The following BAIAP3 variants were observed in gnomAD, a reference collection of about 807,000 sequenced individuals.
The protein encoded by BAIAP3 is BAI1-associated protein 3.
A neutral mutation model predicts 149.7 loss-of-function variants in BAIAP3; 180 were observed. The observed-to-expected ratio is 1.20, with a 90% CI of 1.07 to 1.36. BAIAP3 has a LOEUF of 1.36. Among genes scored for constraint, BAIAP3 ranks in the 40% most tolerant of loss-of-function variants. BAIAP3 has a pLI of 0.00. For synonymous variants in BAIAP3, 845 were observed against 670.7 expected, an observed-to-expected ratio of 1.26 and a Z score of -4.02; for missense variants, 1,767 against 1,563.4, an observed-to-expected ratio of 1.13 and a Z score of -2.20.
intron 4 of BAIAP3, 58 bp downstream of exon 4, chr16:1,339,302 T>G (rs1220601204): frequency 6.5e-7 from 1 of 1,538,620 alleles, no homozygotes; most frequent in African/African-American, 1.4e-5. Context: ...CCCTCAGCCG[T>G]TTAGAGGCAC....
intron 17 of BAIAP3, 62 bp downstream of exon 17, chr16:1,344,379 C>G: frequency 6.2e-7 from 1 of 1,610,042 alleles, no homozygotes; most frequent in South Asian, 1.1e-5. Flanking sequence ...CCCTGCCTTC[C>G]CGTCCCCTGC....
At chr16:1,337,135 A>G (rs1176840128) in intron 1 of BAIAP3, among the ~76,000 whole-genome samples, 1 of 152,168 alleles carries the variant, frequency 6.6e-6, no homozygotes, top group Non-Finnish European at 1.5e-5. Context: ...GCAGAGGAAG[A>G]GGGTCTCAGG....
chr16:1,344,116 C>T lies in BAIAP3; in HGVS notation c.1481C>T (p.Thr494Ile). ...LRDYFPATNSTAVHRLELLLK... is the reference protein window; with the variant it reads ...LRDYFPATNSIAVHRLELLLK... ...GACTACTTCCCTGCCACCAACAGCA[C>T]CGCTGTCCACCGCCTGGAGCTGCTG... Residue 494 changes from threonine to isoleucine, a missense_variant, in exon 16 of 34, where the codon ACC becomes ATC. Transcript: ENST00000426824. 6.2e-7 allele frequency: 1 copy of T among 1,611,926 alleles called. No homozygotes were observed. Among genetic ancestry groups the T allele is most frequent in the Non-Finnish European group, 8.5e-7 (1 of 1,179,812 alleles).
Position 1,348,429 on chromosome 16 carries a change from G to A in BAIAP3, c.3406G>A (p.Glu1136Lys). The change falls in exon 34 of 34, where the codon GAG (glutamate) becomes AAG (lysine). Residue 1136 changes from glutamate (E) to lysine (K), a missense_variant. Coordinates refer to ENST00000426824, the MANE Select transcript of BAIAP3 (RefSeq NM_001199097.2). Reference sequence around the variant, plus strand: ...AGGCCGCACCAGCAAGGAGGCGCAGGAGTTCGTGAAGAAACTCAAGGAGCT... The same window carrying A: ...AGGCCGCACCAGCAAGGAGGCGCAGAAGTTCGTGAAGAAACTCAAGGAGCT... ...LEGRTSKEAQ[E>K]FVKKLKELEK... 1 of 1,612,738 alleles carries A rather than the reference G, an allele frequency of 6.2e-7. No homozygotes were observed.
At position 1,348,516 on chromosome 16, in the gene BAIAP3, A is replaced by ACC; in HGVS notation, c.*37_*38dup. The stretch of plus-strand genomic sequence containing the variant: ...GCTGCCAGCCCCGGCCCTGGCCCCC[A>ACC]CCCCAAGTTCCCTGAAGCATCCTCC... On this transcript the variant is annotated 3_prime_UTR_variant, in exon 34 of 34. Coordinates refer to ENST00000426824, the MANE Select transcript of BAIAP3 (RefSeq NM_001199097.2). The ACC allele has an allele frequency of 6.4e-7, 1 of 1,567,954 alleles. No individual in the cohort carries two copies. The highest frequency in any genetic ancestry group is 1.2e-5 in the South Asian group (1 of 86,178).
chr16:1,336,859 A>T (rs964487770), intron 1 of BAIAP3, among the ~76,000 whole-genome samples: 3 of 152,068 alleles, frequency 2.0e-5, no homozygotes, highest in Non-Finnish European at 2.9e-5. Context: ...GCCCGGAGGC[A>T]CCCTCCGCAG....
In BAIAP3 at chr16:1,344,106, ACCAAC is replaced by A; in HGVS notation, c.1472_1476del (p.Thr491LysfsTer25). On this transcript the variant is annotated frameshift_variant, in exon 16 of 34. Transcript: ENST00000426824. LOFTEE classifies it high-confidence loss of function. ...CCAGCTCCGAGACTACTTCCCTGCCACCAACAGCACCGCTGTCCACCGCCTGGAGC... is the reference window on the plus strand; with the variant it reads ...CCAGCTCCGAGACTACTTCCCTGCCAAGCACCGCTGTCCACCGCCTGGAGC... 6.2e-7 allele frequency: 1 copy of A among 1,611,884 alleles called. No individual in the cohort carries two copies. Among genetic ancestry groups the A allele is most frequent in the Non-Finnish European group, 8.5e-7 (1 of 1,179,810 alleles).
intron 15 of BAIAP3, 145 bp from the exon 16 acceptor site, chr16:1,343,877 G>C (rs576308385): frequency 7.7e-7 from 1 of 1,295,932 alleles, no homozygotes; most frequent in Non-Finnish European, 1.1e-6. Flanking sequence ...GGGACAGGCC[G>C]ACTGGGCCTG....
chr16:1,337,737 G>A (rs1346318967), intron 1 of BAIAP3, among the ~76,000 whole-genome samples: 1 of 152,240 alleles, frequency 6.6e-6, no homozygotes, highest in Non-Finnish European at 1.5e-5. Context: ...GGCAACATGA[G>A]GGGAACTGAC....
At position 1,347,328 on chromosome 16, in the gene BAIAP3, C is replaced by G; in HGVS notation, c.2782C>G (p.Gln928Glu). The change falls in exon 29 of 34, where the codon CAG (glutamine) becomes GAG (glutamate). Residue 928 changes from glutamine (Q) to glutamate (E), a missense_variant. Gln to Glu is a conservative substitution (Grantham distance 29, BLOSUM62 2). Transcript: ENST00000426824. Reference sequence around the variant, plus strand: ...GGTCAGTTTTTTCCACGCAGAGGGTCAGGGTTTGCCCCTGGAGAGCCTGAG... The same window carrying G: ...GGTCAGTTTTTTCCACGCAGAGGGTGAGGGTTTGCCCCTGGAGAGCCTGAG... The part of the protein sequence containing the change: ...ALVSFFHAEG[Q>E]GLPLESLRDG... 6.2e-7 allele frequency: 1 copy of G among 1,613,498 alleles called. No homozygotes were observed. The highest frequency in any genetic ancestry group is 8.5e-7 in the Non-Finnish European group (1 of 1,179,958).
At position 1,342,163 on chromosome 16, in the gene BAIAP3, A is replaced by G. The variant is rs1187408527; in HGVS notation, c.855-18A>G. The G allele has an allele frequency of 4.4e-6, 7 of 1,587,512 alleles. No individual in the cohort carries two copies. The highest frequency in any genetic ancestry group is 1.3e-5 in the African/African-American group (1 of 74,404). On this transcript the variant is annotated intron_variant, in intron 10 of 33. Transcript: ENST00000426824. The stretch of plus-strand genomic sequence containing the variant: ...CCCAGGAGCCATCAGCGTGATGCTC[A>G]CCACCTGTGGTGGCCAGGTACTTCA...
Position 1,344,059 on chromosome 16 carries a change from A to C in BAIAP3, c.1424A>C (p.Glu475Ala). 6.2e-7 allele frequency: 1 copy of C among 1,612,446 alleles called. No homozygotes were observed. The highest frequency in any genetic ancestry group is 8.5e-7 in the Non-Finnish European group (1 of 1,179,912). ...GCTGATAGCCTTTCCGCCTTCTCTGAGTTCGGGCTGCAGCTGCTGCGCCAG... is the reference window on the plus strand; with the variant it reads ...GCTGATAGCCTTTCCGCCTTCTCTGCGTTCGGGCTGCAGCTGCTGCGCCAG... ...SLADSLSAFSEFGLQLLRQLR... is the reference protein window; with the variant it reads ...SLADSLSAFSAFGLQLLRQLR... Residue 475 changes from glutamate to alanine, a missense_variant, in exon 16 of 34, where the codon GAG (glutamate) becomes GCG (alanine). Physicochemically the swap from Glu to Ala is moderately radical, Grantham distance 107. Coordinates refer to ENST00000426824, the MANE Select transcript of BAIAP3 (RefSeq NM_001199097.2).
chr16:1,348,076 C>CCA lies in BAIAP3; in HGVS notation c.3150-20_3150-19insCA. 1 of 1,601,530 alleles carries CCA rather than the reference C, an allele frequency of 6.2e-7. No individual in the cohort carries two copies. The highest frequency in any genetic ancestry group is 8.5e-7 in the Non-Finnish European group (1 of 1,178,848). Reference sequence around the variant, plus strand: ...CTCCAGGCTGCCGGAGCGAGACTCCCGACTGGCCTCTGTCCGCAGTTCCGT... The same window carrying CCA: ...CTCCAGGCTGCCGGAGCGAGACTCCCCAGACTGGCCTCTGTCCGCAGTTCCGT... On this transcript the variant is annotated intron_variant, in intron 32 of 33. Transcript: ENST00000426824.
Position 1,347,638 on chromosome 16 carries a change from C to T in BAIAP3, c.2904+13C>T, listed in dbSNP as rs2034469742. On this transcript the variant is annotated intron_variant, in intron 30 of 33. Transcript: ENST00000426824. ...CAAGCTCAAACAGGTAGGGAGGCGC[C>T]AGGGACAGGGTGCTGCCTCCGAGGC... The T allele has an allele frequency of 1.9e-6, 3 of 1,612,984 alleles. No individual in the cohort carries two copies. Among genetic ancestry groups the T allele is most frequent in the Non-Finnish European group, 2.5e-6 (3 of 1,179,986 alleles).
chr16:1,342,796 G>A lies in BAIAP3; in HGVS notation c.1143G>A (p.Leu381=), dbSNP rs2034014492. 2 of 1,612,694 alleles carry A rather than the reference G, an allele frequency of 1.2e-6. No individual in the cohort carries two copies. Among genetic ancestry groups the A allele is most frequent in the South Asian group, 1.1e-5 (1 of 91,074 alleles). Reference sequence around the variant, plus strand: ...TGCTGCTCAGCCATCTGCTGCGGTTGGAGCACTCAGCAGAGGAGGTAGTGG... The same window carrying A: ...TGCTGCTCAGCCATCTGCTGCGGTTAGAGCACTCAGCAGAGGAGGTAGTGG... The part of the protein sequence containing the change: ...HLLLLSHLLR[L]EHSAEEPNSS... Residue 381 remains leucine (L), a synonymous_variant, in exon 13 of 34, where the codon TTG becomes TTA. Transcript: ENST00000426824.
Position 1,348,287 on chromosome 16 carries a change from GGCCCAGA to G in BAIAP3, c.3348_3354del (p.Ala1117Ter). On this transcript the variant is annotated frameshift_variant, in exon 33 of 34. Transcript: ENST00000426824. LOFTEE classifies it high-confidence loss of function. ...CAGCCTGTCACCCTGCACCTGTGCC[GGCCCAGA>G]GCCCAGGGTGAGTGAGCATCTGGGT... 6.3e-7 allele frequency: 1 copy of G among 1,599,548 alleles called. No homozygotes were observed. Among genetic ancestry groups the G allele is most frequent in the Non-Finnish European group, 8.5e-7 (1 of 1,173,732 alleles).
In BAIAP3 at chr16:1,343,375, A is replaced by G. The variant is rs114159759; in HGVS notation, c.1266-18A>G. 2.5e-3 allele frequency: 3,892 copies of G among 1,576,318 alleles called. 108 individuals carry two copies. In the African/African-American group the frequency reaches 0.047, roughly 19 times the overall value. On this transcript the variant is annotated intron_variant, in intron 14 of 33. Transcript: ENST00000426824. ...GGGGCGGGGTTCATACCCTTTGACCATGGGCCGGGCCCCACAGGCACTGGC... is the reference window on the plus strand; with the variant it reads ...GGGGCGGGGTTCATACCCTTTGACCGTGGGCCGGGCCCCACAGGCACTGGC...
At chr16:1,346,115 TGG>T in intron 24 of BAIAP3, 37 bp downstream of exon 24, 1 of 1,603,764 alleles carries the variant, frequency 6.2e-7, no homozygotes, top group Non-Finnish European at 8.5e-7. Context: ...CGGCAGGAGG[TGG>T]GGGGCCATCA....
At position 1,346,962 on chromosome 16, in the gene BAIAP3, C is replaced by G; in HGVS notation, c.2751+7C>G. On this transcript the variant is annotated splice_region_variant and intron_variant, in intron 28 of 33. Coordinates refer to ENST00000426824, the MANE Select transcript of BAIAP3 (RefSeq NM_001199097.2). The stretch of plus-strand genomic sequence containing the variant: ...CTTCCATTTCACGCTGGAGGTAGAG[C>G]TCTGTGAAGGAGTCCTCCCCGCCGG... 2 of 1,599,608 alleles carry G rather than the reference C, an allele frequency of 1.3e-6. No individual in the cohort carries two copies. The highest frequency in any genetic ancestry group is 1.7e-6 in the Non-Finnish European group (2 of 1,173,444).
Sources: allele counts gnomAD v4.1 joint callset (sites outside exome capture counted in the v4.1 genomes callset), GRCh38; gene constraint gnomAD v4.1.1; transcripts MANE v1.5; gene names NCBI Gene and HGNC (gene_info 2026-07-23, HGNC 2026-07-21).